ADCY2: variants seen among roughly 807,000 people sequenced by gnomAD.
The protein encoded by ADCY2 is adenylate cyclase 2, also known as adenylate cyclase type 2.
Under a neutral mutation model 125.2 loss-of-function variants are expected in ADCY2, and 31 were observed. The ratio of observed to expected loss-of-function variants is 0.25; its 90% confidence interval spans 0.19 to 0.33. ADCY2 has a LOEUF of 0.33. Among genes scored for constraint, ADCY2 ranks in the 10% least tolerant of loss-of-function variants. ADCY2 has a pLI of 1.00. For missense variants in ADCY2, 904 were observed against 1,418.2 expected (o/e 0.64, Z 5.82); for synonymous variants, 512 against 548.4 (o/e 0.93, Z 0.93).
intron 2 of ADCY2, among the ~76,000 whole-genome samples, chr5:7,515,540 G>T (rs1180159782): frequency 2.0e-5 from 3 of 152,204 alleles, no homozygotes; most frequent in African/African-American, 7.2e-5. Flanking sequence ...GTCCAGTTGA[G>T]TGTTTCAGTG....
chr5:7,707,556 G>A (rs1741302896), intron 8 of ADCY2, 150 bp from the exon 9 acceptor site: 1 of 897,076 alleles, frequency 1.1e-6, no homozygotes, highest in Non-Finnish European at 1.7e-6. Context: ...TCTTTCCAAA[G>A]CAGTGGTCAA....
intron 3 of ADCY2, among the ~76,000 whole-genome samples, chr5:7,608,868 A>G (rs1264376139): frequency 6.6e-6 from 1 of 152,182 alleles, no homozygotes; most frequent in Non-Finnish European, 1.5e-5. Flanking sequence ...TGAGCCAGCC[A>G]TATGGGCCAG....
At chr5:7,460,828 T>G (rs1281666678) in intron 2 of ADCY2, among the ~76,000 whole-genome samples, 1 of 152,226 alleles carries the variant, frequency 6.6e-6, no homozygotes, top group Non-Finnish European at 1.5e-5. Context: ...TGCAAGTAGT[T>G]GGACGTGGTG....
intron 23 of ADCY2, among the ~76,000 whole-genome samples, chr5:7,820,176 C>T (rs1257509106): frequency 1.3e-5 from 2 of 152,172 alleles, no homozygotes; most frequent in Admixed American, 1.3e-4. Flanking sequence ...GGGGCTGTTT[C>T]CTGACCTAAC....
intron 17 of ADCY2, among the ~76,000 whole-genome samples, chr5:7,769,481 G>A (rs182599728): frequency 8.6e-5 from 13 of 151,976 alleles, no homozygotes; most frequent in African/African-American, 3.1e-4. Flanking sequence ...CAAGAAAAAG[G>A]CTGGAAACAC....
intron 2 of ADCY2, among the ~76,000 whole-genome samples, chr5:7,504,675 C>T (rs373324105): frequency 1.4e-5 from 2 of 141,926 alleles, no homozygotes; most frequent in South Asian, 2.2e-4. Context: ...TGCAGTGGTG[C>T]GATCTTGGGT....
intron 2 of ADCY2, among the ~76,000 whole-genome samples, chr5:7,433,276 T>C (rs1453831717): frequency 6.6e-6 from 1 of 152,178 alleles, no homozygotes; most frequent in Non-Finnish European, 1.5e-5. Context: ...TTTTATCAAG[T>C]TTACTTAAGG....
chr5:7,780,696 C>T (rs1007187776), intron 18 of ADCY2, among the ~76,000 whole-genome samples: 1 of 152,158 alleles, frequency 6.6e-6, no homozygotes, highest in Non-Finnish European at 1.5e-5. Context: ...AAAATATTCA[C>T]CCACAGAAAT....
chr5:7,702,145 G>T (rs929532520), intron 7 of ADCY2, among the ~76,000 whole-genome samples: 2 of 151,894 alleles, frequency 1.3e-5, no homozygotes. Context: ...TAATCCCAGA[G>T]CTTTGGGAGG....
intron 3 of ADCY2, among the ~76,000 whole-genome samples, chr5:7,526,577 A>G (rs1184222930): frequency 6.6e-6 from 1 of 152,180 alleles, no homozygotes; most frequent in Non-Finnish European, 1.5e-5. Context: ...TATCATATAT[A>G]CCCCCAAAAT....
At chr5:7,668,715 G>A (rs540055494) in intron 4 of ADCY2, among the ~76,000 whole-genome samples, 229 of 152,254 alleles carry the variant, frequency 1.5e-3, no homozygotes, top group African/African-American at 5.4e-3. Context: ...TTGTCTTATA[G>A]CTAAGACATT....
rs181806032 is a variant in ADCY2, at chr5:7,734,111, T to C, written c.1871+6850T>C. 2.3e-3 allele frequency among the ~76,000 whole-genome samples: 350 copies of C among 152,360 alleles called. 6 individuals carry two copies. Among genetic ancestry groups the C allele is most frequent in the Admixed American group, 4.9e-3 (75 of 15,312 alleles). ...AAAAGTTTGCTTCCTTTGGTTCTTA[T>C]CATTCTGACTGAATCCCACGCAACA... On this transcript the variant is annotated intron_variant, in intron 14 of 24. Transcript: ENST00000338316.
intron 12 of ADCY2, among the ~76,000 whole-genome samples, chr5:7,721,635 A>T (rs74528352): frequency 9.8e-5 from 15 of 152,310 alleles, no homozygotes; most frequent in African/African-American, 2.9e-4. Context: ...TTTTCCCAGC[A>T]CCATTTATTA....
At chr5:7,697,223 A>G (rs1260403726) in intron 6 of ADCY2, among the ~76,000 whole-genome samples, 4 of 152,142 alleles carry the variant, frequency 2.6e-5, no homozygotes, top group Admixed American at 2.6e-4. Context: ...TGACTTTAAT[A>G]TGTGAATTTG....
At chr5:7,440,216 A>T (rs1221391696) in intron 2 of ADCY2, among the ~76,000 whole-genome samples, 1 of 152,150 alleles carries the variant, frequency 6.6e-6, no homozygotes, top group Non-Finnish European at 1.5e-5. Flanking sequence ...CAAGATGAGG[A>T]TTTCGTCATG....
chr5:7,455,685 T>A (rs1180723040), intron 2 of ADCY2, among the ~76,000 whole-genome samples: 1 of 147,204 alleles, frequency 6.8e-6, no homozygotes, highest in Non-Finnish European at 1.5e-5. Context: ...TACATACATT[T>A]TGTTATATCA....
intron 3 of ADCY2, among the ~76,000 whole-genome samples, chr5:7,604,020 T>C (rs1737325441): frequency 1.5e-5 from 1 of 64,980 alleles, no homozygotes; most frequent in South Asian, 6.9e-4. Flanking sequence ...CCTGTGTCCA[T>C]GTGATCTCAT....
rs115486399 is a variant in ADCY2 at position 7,750,592 on chromosome 5, C to T, written c.1956+6840C>T. 6.9e-3 allele frequency among the ~76,000 whole-genome samples: 1,042 copies of T among 152,114 alleles called. 5 individuals carry two copies. Among genetic ancestry groups the T allele is most frequent in the Non-Finnish European group, 0.011 (729 of 67,988 alleles). ...CCATGAGGGTTTGTATATAATATAC[C>T]CACTCAGATTTTGTATTTTAAAAAG... On this transcript the variant is annotated intron_variant, in intron 15 of 24. Coordinates refer to ENST00000338316, the MANE Select transcript of ADCY2 (RefSeq NM_020546.3).
intron 19 of ADCY2, among the ~76,000 whole-genome samples, chr5:7,785,914 T>G (rs569568713): frequency 6.6e-6 from 1 of 152,330 alleles, no homozygotes; most frequent in African/African-American, 2.4e-5. Context: ...TAATTATGGT[T>G]AAGTCCAATG....
Sources: gnomAD v4.1 joint callset for allele counts (sites outside exome capture counted in the v4.1 genomes callset) on GRCh38, gnomAD v4.1.1 for gene constraint, MANE v1.5 for transcripts, NCBI Gene and HGNC (gene_info 2026-07-23, HGNC 2026-07-21) for gene names.